GBP2: variants seen among roughly 807,000 people sequenced by gnomAD.
GBP2 encodes the protein guanylate-binding protein 2.
A neutral mutation model predicts 60.8 loss-of-function variants in GBP2; 54 were observed. That is an observed-to-expected ratio of 0.89 (90% CI 0.71 to 1.11). GBP2 has a LOEUF of 1.11. GBP2 is among the 50% of genes most tolerant of loss of function. The pLI, the probability that GBP2 is intolerant of heterozygous loss-of-function variation, is 0.00. For synonymous variants in GBP2, 243 were observed against 256.5 expected (o/e 0.95, Z 0.50); for missense variants, 665 against 703.3 (o/e 0.95, Z 0.62).
intron 2 of GBP2, 134 bp from the exon 3 acceptor site, chr1:89,121,404 T>C: frequency 1.3e-6 from 1 of 771,232 alleles, no homozygotes; most frequent in Non-Finnish European, 1.9e-6. Context: ...ATTACAATCC[T>C]GGAAACAGGA....
chr1:89,107,170 T>C lies in GBP2; in HGVS notation c.*1005A>G, dbSNP rs1227293935. ...ACAATTGTAGTAGGATAATGTTTTG[T>C]ATTAATGAATTATTCTTGATTTTTC... On this transcript the variant is annotated 3_prime_UTR_variant, in exon 11 of 11. Transcript: ENST00000370466. 1 of 152,218 alleles carries C rather than the reference T, an allele frequency of 6.6e-6. No individual in the cohort carries two copies. Among genetic ancestry groups the C allele is most frequent in the Non-Finnish European group, 1.5e-5 (1 of 68,038 alleles). 9.4% of individuals were successfully genotyped at this position (152,218 alleles called of 1,614,324 possible).
chr1:89,120,339 A>C (rs1281764184), intron 3 of GBP2, 51 bp from the exon 4 acceptor site: 1 of 1,390,172 alleles, frequency 7.2e-7, no homozygotes, highest in Admixed American at 1.7e-5. Flanking sequence ...AGAATGTACA[A>C]TCAATTCAGA....
chr1:89,116,211 C>T (rs905487768), intron 6 of GBP2, among the ~76,000 whole-genome samples: 2 of 151,998 alleles, frequency 1.3e-5, no homozygotes, highest in African/African-American at 4.8e-5. Flanking sequence ...AAGGGTTTCC[C>T]CATGTTGCCC....
In GBP2 at chr1:89,108,261, C is replaced by T. The variant is rs753596900; in HGVS notation, c.1690G>A (p.Glu564Lys). ...TTTTGAAGTCTCTTGCTCTCATTCT[C>T]GAATCCCTCCTTGAGAAGGCGTTCC... ...EQERLLKEGFENESKRLQKDI... is the reference protein window; with the variant it reads ...EQERLLKEGFKNESKRLQKDI... The change falls in exon 11 of 11, where the codon GAG (glutamate) becomes AAG (lysine). Residue 564 changes from glutamate to lysine, a missense_variant. Transcript: ENST00000370466. The T allele has an allele frequency of 1.7e-5, 28 of 1,613,078 alleles. No individual in the cohort carries two copies. In the South Asian group the frequency reaches 2.0e-4, roughly 11 times the overall value.
chr1:89,121,418 T>C, intron 2 of GBP2, 148 bp from the exon 3 acceptor site: 1 of 700,896 alleles, frequency 1.4e-6, no homozygotes, highest in South Asian at 2.9e-5. Context: ...AACAGGAAAA[T>C]TAGATATTTA....
chr1:89,122,239 A>G (rs920658587), intron 1 of GBP2, among the ~76,000 whole-genome samples: 5 of 152,212 alleles, frequency 3.3e-5, no homozygotes, highest in African/African-American at 1.2e-4. Flanking sequence ...CATTTCCCCT[A>G]AAGTTAAAAT....
chr1:89,112,719 A>G, intron 7 of GBP2, 35 bp from the exon 8 acceptor site: 1 of 1,546,960 alleles, frequency 6.5e-7, no homozygotes, highest in Non-Finnish European at 8.9e-7. Flanking sequence ...ATGTTTCAGT[A>G]AAGCCATGAG....
chr1:89,122,309 C>T (rs1681417988), intron 1 of GBP2, among the ~76,000 whole-genome samples: 1 of 152,148 alleles, frequency 6.6e-6, no homozygotes, highest in South Asian at 2.1e-4. Flanking sequence ...ATTTACACTC[C>T]TTATTCACAT....
rs748378822 is a variant in GBP2, at chr1:89,109,797, C to T, written c.1539G>A (p.Glu513=). 1.2e-6 allele frequency: 2 copies of T among 1,613,972 alleles called. No homozygotes were observed. The highest frequency in any genetic ancestry group is 1.7e-5 in the Admixed American group (1 of 60,026). ...AACTCTTCTCTTTCTGTTCCATCAT[C>T]TCCTCATTCTTCTTTTGTATTTCCT... ...MLEEIQKKNE[E]MMEQKEKSYQ... is the part of the protein sequence containing the mutation. The change falls in exon 10 of 11, where the codon GAG becomes GAA. Residue 513 remains glutamate, a synonymous_variant. Coordinates refer to ENST00000370466, the MANE Select transcript of GBP2 (RefSeq NM_004120.5).
At chr1:89,122,265 A>G (rs1219434171) in intron 1 of GBP2, among the ~76,000 whole-genome samples, 1 of 152,212 alleles carries the variant, frequency 6.6e-6, no homozygotes, top group East Asian at 1.9e-4. Context: ...ATAACCATAG[A>G]ACAAGGATTT....
At chr1:89,111,941 A>C (rs114000451) in intron 8 of GBP2, among the ~76,000 whole-genome samples, 2,983 of 152,302 alleles carry the variant, frequency 0.02, 38 homozygotes, top group Middle Eastern at 0.065. Context: ...ACTATGTACC[A>C]TATGTACCCA....
Position 89,113,033 on chromosome 1 carries a change from T to A in GBP2, c.1150-349A>T, listed in dbSNP as rs114072952. 6.2e-3 allele frequency: 1,900 copies of A among 304,658 alleles called. 29 individuals are homozygous for A. Among genetic ancestry groups the A allele is most frequent in the African/African-American group, 0.039 (1,753 of 45,502 alleles). 18.9% of individuals were successfully genotyped at this position (304,658 alleles called of 1,614,324 possible). A position where few individuals can be genotyped will look rare whatever the true frequency, so the allele number is the denominator to read the frequency against. On this transcript the variant is annotated intron_variant, in intron 7 of 10. Transcript: ENST00000370466. ...CTGGAGTCAGGCAGCCTGCCTGGAG[T>A]TCCCGGATACACTACACTGTGGCTT...
At position 89,108,232 on chromosome 1, in the gene GBP2, G is replaced by A; in HGVS notation, c.1719C>T (p.Asp573=). ...TGCTTCTCATCTGGATATCCCATAT[G>A]TCTTTTTGAAGTCTCTTGCTCTCAT... ...FENESKRLQK[D]IWDIQMRSKS... is the part of the protein sequence containing the mutation. Residue 573 remains aspartate (D), a synonymous_variant, in exon 11 of 11, where the codon GAC becomes GAT. Coordinates refer to ENST00000370466, the MANE Select transcript of GBP2 (RefSeq NM_004120.5). 1 of 1,613,484 alleles carries A rather than the reference G, an allele frequency of 6.2e-7. No individual in the cohort carries two copies. The highest frequency in any genetic ancestry group is 1.1e-5 in the South Asian group (1 of 91,064).
chr1:89,108,163 C>T lies in GBP2; in HGVS notation c.*12G>A. 1.3e-6 allele frequency: 2 copies of T among 1,531,298 alleles called. No homozygotes were observed. Among genetic ancestry groups the T allele is most frequent in the East Asian group, 4.5e-5 (2 of 43,978 alleles). The allele number at this position is 1,531,298 out of a possible 1,614,324, so 94.9% of individuals were successfully genotyped here. A position where few individuals can be genotyped will look rare whatever the true frequency, so the allele number is the denominator to read the frequency against. On this transcript the variant is annotated 3_prime_UTR_variant, in exon 11 of 11. Coordinates refer to ENST00000370466, the MANE Select transcript of GBP2 (RefSeq NM_004120.5). ...GAGGGAGCTGGACAGGCAAATTTTG[C>T]TCCTTGGACTTTTAGAGTATGTTAC... is the stretch of plus-strand genomic sequence containing the variant.
chr1:89,121,195 G>A lies in GBP2; in HGVS notation c.266C>T (p.Pro89Leu), dbSNP rs113414420. 6.8e-6 allele frequency: 11 copies of A among 1,612,930 alleles called. 1 individual carries two copies. The African/African-American group carries it at 1.1e-4, about 16-fold the overall frequency. ...GTCGAGCAGAACTAGGGTGTGTTCT[G>A]GCTTCTTGGGATGAGGCACACACCA... ...WMWCVPHPKK[P>L]EHTLVLLDTE... The change falls in exon 3 of 11, where the codon CCA (proline) becomes CTA (leucine). Residue 89 changes from proline (P) to leucine (L), a missense_variant. By Grantham distance (98) the Pro-to-Leu change is moderately conservative. Transcript: ENST00000370466.
At chr1:89,122,029 G>C in intron 1 of GBP2, 46 bp from the exon 2 acceptor site, 1 of 1,441,654 alleles carries the variant, frequency 6.9e-7, no homozygotes, top group Non-Finnish European at 9.4e-7. Flanking sequence ...TTTTTAGGTA[G>C]TTAGCTATGC....
At position 89,126,016 on chromosome 1, in the gene GBP2, C is replaced by T. The variant is rs1161240545; in HGVS notation, c.-171G>A. On this transcript the variant is annotated 5_prime_UTR_variant, in exon 1 of 11. Transcript: ENST00000370466. ...GTGGACTTTTACTTTACCCCTCCAA[C>T]GTCCTGGGGCTTCCTCCAACGTCCA... The T allele has an allele frequency of 6.6e-6, 1 of 152,236 alleles. No homozygotes were observed. The highest frequency in any genetic ancestry group is 1.5e-5 in the Non-Finnish European group (1 of 68,054). The allele number at this position is 152,236 out of a possible 1,614,324, so 9.4% of individuals were successfully genotyped here.
chr1:89,107,694 C>A lies in GBP2; in HGVS notation c.*481G>T, dbSNP rs1385303483. Among the ~76,000 whole-genome samples, 1 of 152,204 alleles carries A rather than the reference C, an allele frequency of 6.6e-6. No individual in the cohort carries two copies. Among genetic ancestry groups the A allele is most frequent in the African/African-American group, 2.4e-5 (1 of 41,464 alleles). On this transcript the variant is annotated 3_prime_UTR_variant, in exon 11 of 11. Transcript: ENST00000370466. ...ACCACTTGGCAGGAGTGATGCTCTA[C>A]TGTGCCCCATGGTTTGTTTGGTCTC...
rs370782210 is a variant in GBP2, at chr1:89,117,617, A to G, written c.585T>C (p.Thr195=). The change falls in exon 5 of 11, where the codon ACT becomes ACC. Residue 195 remains threonine, a synonymous_variant. Transcript: ENST00000370466. ...LELEVDGEPI[T]ADDYLELSLK... ...GCGAAAGCTCCAAGTAGTCATCAGC[A>G]GTGATGGGTTCTCCATCTACTTCCA... The G allele has an allele frequency of 6.2e-7, 1 of 1,614,118 alleles. No individual in the cohort carries two copies. The highest frequency in any genetic ancestry group is 2.2e-5 in the East Asian group (1 of 44,872).
Sources: gnomAD v4.1 joint callset for allele counts (sites outside exome capture counted in the v4.1 genomes callset) on GRCh38, gnomAD v4.1.1 for gene constraint, MANE v1.5 for transcripts, NCBI Gene and HGNC (gene_info 2026-07-23, HGNC 2026-07-21) for gene names.